The following NMS variants were observed in gnomAD, a reference collection of about 807,000 sequenced individuals.
The protein encoded by NMS is neuromedin-S.
A neutral mutation model predicts 32.2 loss-of-function variants in NMS; 30 were observed. That is an observed-to-expected ratio of 0.93 (90% CI 0.70 to 1.26). The LOEUF is 1.26. NMS is among the 50% of genes most tolerant of loss of function. NMS has a pLI of 0.00. For missense variants in NMS, 190 were observed against 186.3 expected (o/e 1.02, Z -0.12); for synonymous variants, 76 against 58.5 (o/e 1.30, Z -1.37).
chr2:100,473,817 T>G (rs1456720562), intron 3 of NMS, among the ~76,000 whole-genome samples: 1 of 152,140 alleles, frequency 6.6e-6, no homozygotes, highest in Non-Finnish European at 1.5e-5. Flanking sequence ...TATGATATAT[T>G]GCATATTACA....
At position 100,477,259 on chromosome 2, in the gene NMS, TACA is replaced by T; in HGVS notation, c.201_203del (p.Tyr67_Lys68delinsTer). ...CTCTTTCCAGGATAATCAAGACATA[TACA>T]AAAGGGTGAGTACCACCTAGCCCTG... On this transcript the variant is annotated stop_gained and inframe_deletion, in exon 4 of 10. Transcript: ENST00000376865. LOFTEE classifies it high-confidence loss of function. 1 of 1,613,602 alleles carries T rather than the reference TACA, an allele frequency of 6.2e-7. No homozygotes were observed. The highest frequency in any genetic ancestry group is 8.5e-7 in the Non-Finnish European group (1 of 1,179,556).
intron 6 of NMS, among the ~76,000 whole-genome samples, chr2:100,480,244 A>C (rs1259798249): frequency 6.6e-6 from 1 of 152,230 alleles, no homozygotes; most frequent in Non-Finnish European, 1.5e-5. Context: ...TGTTAGGAGG[A>C]GCAAGCAAAC....
At chr2:100,480,033 C>T (rs1254427992) in intron 6 of NMS, among the ~76,000 whole-genome samples, 1 of 152,142 alleles carries the variant, frequency 6.6e-6, no homozygotes, top group African/African-American at 2.4e-5. Context: ...TCCCAGGGCC[C>T]CTAGTACCTG....
chr2:100,472,339 C>T (rs775366420), intron 1 of NMS, among the ~76,000 whole-genome samples: 4 of 152,190 alleles, frequency 2.6e-5, no homozygotes, highest in Non-Finnish European at 5.9e-5. Context: ...AGAGCCCATC[C>T]CTAGAGAGTC....
chr2:100,473,580 A>C (rs544326932), intron 3 of NMS, 41 bp downstream of exon 3: 1 of 758,302 alleles, frequency 1.3e-6, no homozygotes, highest in Admixed American at 4.3e-5. Flanking sequence ...TAAAATATAT[A>C]TATATGCAAC....
intron 8 of NMS, among the ~76,000 whole-genome samples, 188 bp from the exon 9 acceptor site, chr2:100,482,089 G>A (rs1677229348): frequency 6.6e-6 from 1 of 152,210 alleles, no homozygotes; most frequent in Non-Finnish European, 1.5e-5. Flanking sequence ...CTGGAGCACT[G>A]TCCCAGAGGA....
intron 6 of NMS, among the ~76,000 whole-genome samples, chr2:100,480,190 A>G (rs1677189734): frequency 6.6e-6 from 1 of 152,222 alleles, no homozygotes; most frequent in South Asian, 2.1e-4. Flanking sequence ...TAATCCTTTA[A>G]AAGTTTCCTA....
chr2:100,482,630 T>C (rs1677242064), intron 9 of NMS, among the ~76,000 whole-genome samples: 1 of 152,176 alleles, frequency 6.6e-6, no homozygotes, highest in Non-Finnish European at 1.5e-5. Flanking sequence ...GGGCCCTCTG[T>C]GACTTCTCAC....
rs1415883694 is a variant in NMS, at chr2:100,481,038, C to A, written c.373-88C>A. 3.7e-6 allele frequency: 5 copies of A among 1,340,762 alleles called. No individual in the cohort carries two copies. In the African/African-American group the frequency reaches 4.3e-5, roughly 12 times the overall value. The allele number at this position is 1,340,762 out of a possible 1,614,324, so 83.1% of individuals were successfully genotyped here. Reference sequence around the variant, plus strand: ...GTTGGTGCCACTGGTCTGGGACCACCCATTTTGAAAACTGTTCCTATAGAC... The same window carrying A: ...GTTGGTGCCACTGGTCTGGGACCACACATTTTGAAAACTGTTCCTATAGAC... On this transcript the variant is annotated intron_variant, in intron 7 of 9. Transcript: ENST00000376865.
At chr2:100,480,941 C>A (rs1276562947) in intron 7 of NMS, among the ~76,000 whole-genome samples, 185 bp from the exon 8 acceptor site, 1 of 152,122 alleles carries the variant, frequency 6.6e-6, no homozygotes, top group Non-Finnish European at 1.5e-5. Flanking sequence ...GATTGCTTGG[C>A]CCCACCCCCA....
rs1223350627 is a variant in NMS at position 100,479,375 on chromosome 2, T to A, written c.284T>A (p.Met95Lys). 1 of 1,611,146 alleles carries A rather than the reference T, an allele frequency of 6.2e-7. No individual in the cohort carries two copies. The highest frequency in any genetic ancestry group is 1.7e-5 in the Admixed American group (1 of 59,494). ...CAGTTTCCTCCAGTGCATCCTCTAA[T>A]GCACCTGGCTGCCAAGCTCGCCAAC... is the stretch of plus-strand genomic sequence containing the variant. The part of the protein sequence containing the change: ...KTGFPPVHPL[M>K]HLAAKLANRR... Residue 95 changes from methionine (M) to lysine (K), a missense_variant, in exon 6 of 10, where the codon ATG (methionine) becomes AAG (lysine). Physicochemically the swap from Met to Lys is moderately conservative, Grantham distance 95. Coordinates refer to ENST00000376865, the MANE Select transcript of NMS (RefSeq NM_001011717.1).
At chr2:100,478,900 T>C (rs1677161536) in intron 5 of NMS, among the ~76,000 whole-genome samples, 1 of 152,230 alleles carries the variant, frequency 6.6e-6, no homozygotes, top group African/African-American at 2.4e-5. Context: ...TAGATGAGGA[T>C]AGGCGTGTAC....
chr2:100,472,292 G>A (rs962973043), intron 1 of NMS, among the ~76,000 whole-genome samples: 17 of 152,320 alleles, frequency 1.1e-4, no homozygotes, highest in African/African-American at 4.1e-4. Flanking sequence ...TAGACAAAAG[G>A]TTGACAGGGT....
Position 100,480,547 on chromosome 2 carries a change from G to A in NMS, c.372+16G>A, listed in dbSNP as rs757206376. The A allele has an allele frequency of 6.2e-7, 1 of 1,612,322 alleles. No homozygotes were observed. Reference sequence around the variant, plus strand: ...CACCAAGAAGGTACACAAGAGCCTTGGAGACTGCGACCCCCAAAGAAAGCC... The same window carrying A: ...CACCAAGAAGGTACACAAGAGCCTTAGAGACTGCGACCCCCAAAGAAAGCC... On this transcript the variant is annotated intron_variant, in intron 7 of 9. Transcript: ENST00000376865.
At chr2:100,479,513 G>T in intron 6 of NMS, 86 bp downstream of exon 6, 1 of 1,172,692 alleles carries the variant, frequency 8.5e-7, no homozygotes, top group Non-Finnish European at 1.2e-6. Context: ...CTTGGGGCTT[G>T]CTGTCATTCT....
At chr2:100,472,633 TAAC>T (rs1401819613) in intron 1 of NMS, among the ~76,000 whole-genome samples, 159 bp from the exon 2 acceptor site, 1 of 152,246 alleles carries the variant, frequency 6.6e-6, no homozygotes, top group African/African-American at 2.4e-5. Flanking sequence ...TAAATCCTTT[TAAC>T]AACATCAGAT....
At chr2:100,481,896 C>G (rs1242041821) in intron 8 of NMS, among the ~76,000 whole-genome samples, 1 of 152,220 alleles carries the variant, frequency 6.6e-6, no homozygotes, top group African/African-American at 2.4e-5. Flanking sequence ...TCTCTCACTC[C>G]CATGGGTCTG....
chr2:100,478,214 G>A (rs1450725214), intron 5 of NMS, among the ~76,000 whole-genome samples: 2 of 152,108 alleles, frequency 1.3e-5, no homozygotes, highest in East Asian at 1.9e-4. Flanking sequence ...CACCTGCCTT[G>A]GCCTCCCAAA....
intron 8 of NMS, among the ~76,000 whole-genome samples, chr2:100,481,648 G>A (rs759875542): frequency 7.2e-5 from 11 of 152,174 alleles, no homozygotes; most frequent in Non-Finnish European, 1.3e-4. Context: ...CAGAAAAAAT[G>A]AGCAAATCAG....
Sources: gnomAD v4.1 joint callset for allele counts (sites outside exome capture counted in the v4.1 genomes callset) on GRCh38, gnomAD v4.1.1 for gene constraint, MANE v1.5 for transcripts, NCBI Gene and HGNC (gene_info 2026-07-23, HGNC 2026-07-21) for gene names.